RSF1: variants seen among roughly 807,000 people sequenced by gnomAD.
RSF1 encodes remodeling and spacing factor 1.
Under a neutral mutation model 145.2 loss-of-function variants are expected in RSF1, and 13 were observed. The observed-to-expected ratio is 0.09, with a 90% CI of 0.06 to 0.14. The LOEUF is 0.14. RSF1 is among the 10% of genes least tolerant of loss of function. The pLI is 1.00. For missense variants in RSF1, 1,517 were observed against 1,718.2 expected (o/e 0.88, Z 2.07); for synonymous variants, 577 against 592.6 (o/e 0.97, Z 0.38).
the RSF1 span, among the ~76,000 whole-genome samples, chr11:77,864,676 C>G: frequency 3.3e-5 from 5 of 152,066 alleles, no homozygotes; most frequent in African/African-American, 9.7e-5. Context: ...GGCATATGTT[C>G]CTTGAATAGA....
intron 1 of RSF1, 91 bp downstream of exon 1, chr11:77,820,422 AGAGCCGCGGAGGCCC>A: frequency 8.3e-7 from 1 of 1,206,828 alleles, no homozygotes. Context: ...GGGGGAAGAC[AGAGCCGCGGAGGCCC>A]GAGCCGCGAA....
upstream of RSF1, among the ~76,000 whole-genome samples, chr11:77,822,403 A>C (rs1219883224): frequency 2.9e-5 from 4 of 139,744 alleles, no homozygotes; most frequent in Non-Finnish European, 6.1e-5. Flanking sequence ...CGACAGAGCA[A>C]GACTCCACCT....
At chr11:77,790,213 T>C (rs1486012634) in intron 1 of RSF1, among the ~76,000 whole-genome samples, 2 of 152,200 alleles carry the variant, frequency 1.3e-5, no homozygotes, top group Non-Finnish European at 1.5e-5. Context: ...TTCACAATCA[T>C]GGTAGAAGGC....
chr11:77,765,642 G>A (rs939628394), intron 1 of RSF1, among the ~76,000 whole-genome samples: 2 of 152,146 alleles, frequency 1.3e-5, no homozygotes, highest in Non-Finnish European at 2.9e-5. Context: ...TCTCTGCTTT[G>A]ACTGTAAACA....
At chr11:77,713,534 C>T (rs1960737039) in intron 5 of RSF1, among the ~76,000 whole-genome samples, 1 of 152,226 alleles carries the variant, frequency 6.6e-6, no homozygotes, top group East Asian at 1.9e-4. Flanking sequence ...GAATGGTCTG[C>T]ACTGAGTTTC....
At chr11:77,828,626 G>A in the RSF1 span, among the ~76,000 whole-genome samples, 1 of 148,122 alleles carries the variant, frequency 6.8e-6, no homozygotes, top group African/African-American at 2.5e-5. Context: ...AGCCAAGATC[G>A]CACCACTGCA....
chr11:77,814,451 G>T (rs933112039), intron 1 of RSF1, among the ~76,000 whole-genome samples: 2 of 151,894 alleles, frequency 1.3e-5, no homozygotes, highest in East Asian at 1.9e-4. Flanking sequence ...CCTAACTCTG[G>T]GGGGGAAAAA....
chr11:77,736,459 A>G (rs1256217523), intron 4 of RSF1, among the ~76,000 whole-genome samples: 3 of 152,240 alleles, frequency 2.0e-5, no homozygotes, highest in Admixed American at 6.5e-5. Flanking sequence ...GATCTCATCC[A>G]AGTCAAATGA....
intron 5 of RSF1, among the ~76,000 whole-genome samples, chr11:77,716,268 C>G (rs139176219): frequency 1.3e-5 from 2 of 152,106 alleles, no homozygotes; most frequent in Non-Finnish European, 2.9e-5. Context: ...AATCCCACTA[C>G]GGGGTATATC....
the RSF1 span, among the ~76,000 whole-genome samples, chr11:77,854,371 C>A: frequency 6.6e-6 from 1 of 152,150 alleles, no homozygotes; most frequent in Non-Finnish European, 1.5e-5. Context: ...AGGCAAGTCT[C>A]TTCTGCCTAT....
chr11:77,785,925 CAAAAAA>C (rs10661397), intron 1 of RSF1, among the ~76,000 whole-genome samples: 106 of 37,126 alleles, frequency 2.9e-3, no homozygotes, highest in African/African-American at 5.8e-3. Context: ...GATTCTGTCT[CAAAAAA>C]AAAAAAAAAA....
At chr11:77,759,285 AG>A (rs1334779990) in intron 2 of RSF1, among the ~76,000 whole-genome samples, 2 of 151,834 alleles carry the variant, frequency 1.3e-5, no homozygotes, top group African/African-American at 4.8e-5. Context: ...CCAAGGCAGG[AG>A]GATCACTTGA....
rs1263484127 is a variant in RSF1, at chr11:77,701,190, A to G, written c.2039T>C (p.Met680Thr). Residue 680 changes from methionine to threonine, a missense_variant, in exon 6 of 16, where the codon ATG becomes ACG. Around this residue, in one of 12 missense-constraint regions of RSF1, gnomAD observed 579 missense variants for 553.5 expected, o/e 1.05. Transcript: ENST00000308488. ...KEDSEFTKVE[M>T]DNLDNAQTSG... ...GGTCTGGGCATTGTCCAGATTATCC[A>G]TTTCTACCTTTGTGAACTCAGAATC... 2 of 1,614,082 alleles carry G rather than the reference A, an allele frequency of 1.2e-6. No homozygotes were observed. The highest frequency in any genetic ancestry group is 2.2e-5 in the South Asian group (2 of 91,074).
In RSF1 at chr11:77,661,437, A is replaced by ATGTGTGTG. The variant is rs59270581; in HGVS notation, c.*5472_*5479dup. On this transcript the variant is annotated 3_prime_UTR_variant, in exon 16 of 16. Transcript: ENST00000308488. Reference sequence around the variant, plus strand: ...AAATCCATTTACTAATATAAGCTAGATGTGTGTGTGTGTGTGTGTGTGTGT... The same window carrying ATGTGTGTG: ...AAATCCATTTACTAATATAAGCTAGATGTGTGTGTGTGTGTGTGTGTGTGTGTGTGTGT... The ATGTGTGTG allele has an allele frequency of 4.8e-5, 7 of 146,712 alleles. No individual in the cohort carries two copies. The highest frequency in any genetic ancestry group is 2.1e-4 in the Admixed American group (3 of 14,554). The allele number at this position is 146,712 out of a possible 1,614,324, so 9.1% of individuals were successfully genotyped here. A position where few individuals can be genotyped will look rare whatever the true frequency, so the allele number is the denominator to read the frequency against.
chr11:77,710,455 T>C (rs766322908), intron 5 of RSF1, among the ~76,000 whole-genome samples: 1 of 152,292 alleles, frequency 6.6e-6, no homozygotes, highest in South Asian at 2.1e-4. Context: ...ATCCCCTCTA[T>C]CCCTTATTTT....
Position 77,789,893 on chromosome 11 carries a change from C to T in RSF1, c.188-25204G>A, listed in dbSNP as rs572004362. ...CACCTCCCAGCGGCCTGAGGTTGGG[C>T]CTGTCTACCCGCAGCTGCCACCACA... On this transcript the variant is annotated intron_variant, in intron 1 of 15. Coordinates refer to ENST00000308488, the MANE Select transcript of RSF1 (RefSeq NM_016578.4). Among the ~76,000 whole-genome samples, 6 of 152,316 alleles carry T rather than the reference C, an allele frequency of 3.9e-5. No individual in the cohort carries two copies. The East Asian group carries it at 1.2e-3, about 29-fold the overall frequency.
At chr11:77,668,612 T>G (rs1959435744) in intron 15 of RSF1, among the ~76,000 whole-genome samples, 2 of 152,260 alleles carry the variant, frequency 1.3e-5, no homozygotes. Context: ...TAGATGGTAA[T>G]GTCTGAACAT....
At position 77,666,977 on chromosome 11, in the gene RSF1, T is replaced by C. The variant is rs763471100; in HGVS notation, c.4266A>G (p.Glu1422=). ...GGTCAGTCACTCTCAAAAGCTCATC[T>C]TCCTCCTCTTCTGGTGCTCCTGCCT... is the stretch of plus-strand genomic sequence containing the variant. ...GQEAGAPEEE[E]DELLRVTDLV... Residue 1422 remains glutamate, a synonymous_variant, in exon 16 of 16, where the codon GAA becomes GAG. Coordinates refer to ENST00000308488, the MANE Select transcript of RSF1 (RefSeq NM_016578.4). 14 of 1,608,376 alleles carry C rather than the reference T, an allele frequency of 8.7e-6. No homozygotes were observed. Among genetic ancestry groups the C allele is most frequent in the African/African-American group, 6.7e-5 (5 of 74,840 alleles).
At chr11:77,870,329 ATTTTTTTTT>A in the RSF1 span, among the ~76,000 whole-genome samples, 1 of 87,988 alleles carries the variant, frequency 1.1e-5, no homozygotes, top group Middle Eastern at 7.2e-3. Context: ...CTATTTTTTA[ATTTTTTTTT>A]TTTTTTTTTT....
Sources: gnomAD v4.1 joint callset for allele counts (sites outside exome capture counted in the v4.1 genomes callset) on GRCh38, gnomAD v4.1.1 for gene constraint, gnomAD v4.1.1 regional missense constraint, MANE v1.5 for transcripts, NCBI Gene and HGNC (gene_info 2026-07-23, HGNC 2026-07-21) for gene names.